RFX8: variants seen among roughly 807,000 people sequenced by gnomAD.
RFX8 encodes the protein regulatory factor X8, also known as DNA-binding protein RFX8.
Under a neutral mutation model 54.6 loss-of-function variants are expected in RFX8, and 46 were observed. That is an observed-to-expected ratio of 0.84 (90% CI 0.67 to 1.08). RFX8 has a LOEUF of 1.08. Among genes scored for constraint, RFX8 ranks in the 50% least tolerant of loss-of-function variants. The pLI, the probability that RFX8 is intolerant of heterozygous loss-of-function variation, is 0.00. For missense variants in RFX8, 536 were observed against 562.3 expected (o/e 0.95, Z 0.47); for synonymous variants, 192 against 209.5 (o/e 0.92, Z 0.72).
At chr2:101,448,603 T>C (rs1216316395) in intron 2 of RFX8, among the ~76,000 whole-genome samples, 6 of 152,228 alleles carry the variant, frequency 3.9e-5, no homozygotes, top group Non-Finnish European at 7.3e-5. Flanking sequence ...CGTCATATTA[T>C]ATTTGAGGAT....
chr2:101,398,307 C>T lies in RFX8; in HGVS notation c.1246-583G>A, dbSNP rs533664455. 2.6e-5 allele frequency among the ~76,000 whole-genome samples: 4 copies of T among 152,170 alleles called. No individual in the cohort carries two copies. In the South Asian group the frequency reaches 8.3e-4, roughly 32 times the overall value. On this transcript the variant is annotated intron_variant, in intron 11 of 11. Coordinates refer to ENST00000428343, the MANE Select transcript of RFX8 (RefSeq NM_001145664.2). Reference sequence around the variant, plus strand: ...GGGAAAGGCAGTTTGTGAGAAATGTCCTCGTGAGAGCAAACCAACACTCTT... The same window carrying T: ...GGGAAAGGCAGTTTGTGAGAAATGTTCTCGTGAGAGCAAACCAACACTCTT...
chr2:101,435,561 C>T (rs867994957), intron 2 of RFX8, among the ~76,000 whole-genome samples: 2 of 152,186 alleles, frequency 1.3e-5, no homozygotes, highest in African/African-American at 2.4e-5. Flanking sequence ...TACACACGTA[C>T]TCACACATAC....
chr2:101,437,955 T>C (rs1687874726), intron 2 of RFX8, among the ~76,000 whole-genome samples: 1 of 152,242 alleles, frequency 6.6e-6, no homozygotes, highest in South Asian at 2.1e-4. Context: ...TCATATGCTA[T>C]ATAACTTTTT....
intron 2 of RFX8, among the ~76,000 whole-genome samples, chr2:101,458,404 C>T (rs932452732): frequency 6.6e-6 from 1 of 151,936 alleles, no homozygotes; most frequent in East Asian, 1.9e-4. Flanking sequence ...AGACAGGCCT[C>T]GTGGTGACAA....
intron 2 of RFX8, among the ~76,000 whole-genome samples, chr2:101,449,814 A>G (rs1207977623): frequency 2.6e-5 from 4 of 152,110 alleles, no homozygotes; most frequent in Non-Finnish European, 5.9e-5. Flanking sequence ...AGTAATGGCG[A>G]TTATCAAGAT....
intron 9 of RFX8, among the ~76,000 whole-genome samples, chr2:101,410,174 C>G (rs1234171351): frequency 6.6e-6 from 1 of 151,934 alleles, no homozygotes; most frequent in African/African-American, 2.4e-5. Context: ...CACACATGCT[C>G]ACACACACTG....
At chr2:101,446,464 G>A (rs1380800078) in intron 2 of RFX8, among the ~76,000 whole-genome samples, 4 of 151,960 alleles carry the variant, frequency 2.6e-5, no homozygotes, top group African/African-American at 9.7e-5. Flanking sequence ...CTGAGCCACC[G>A]CTCCCAGCCA....
Position 101,474,832 on chromosome 2 carries a change from G to C in RFX8, c.-249C>G, listed in dbSNP as rs1013881457. Reference sequence around the variant, plus strand: ...CGCCTGGGCCAACCGGCTTTTTCAGGGTCCCGGGTGATGCTAATGTGCCCG... The same window carrying C: ...CGCCTGGGCCAACCGGCTTTTTCAGCGTCCCGGGTGATGCTAATGTGCCCG... On this transcript the variant is annotated 5_prime_UTR_variant, in exon 1 of 12. Transcript: ENST00000428343. 1 of 151,876 alleles carries C rather than the reference G, an allele frequency of 6.6e-6. No homozygotes were observed. Among genetic ancestry groups the C allele is most frequent in the Non-Finnish European group, 1.5e-5 (1 of 67,994 alleles). 9.4% of individuals were successfully genotyped at this position (151,876 alleles called of 1,614,324 possible).
rs1324659828 is a variant in RFX8, at chr2:101,439,596, CA to C, written c.73-17125del. ...ACATTATGAAGATTAGATTGAAGTT[CA>C]TTTTTTTTTTTTTGCCTGTGGGTTT... On this transcript the variant is annotated intron_variant, in intron 2 of 11. Transcript: ENST00000428343. 6.1e-4 allele frequency among the ~76,000 whole-genome samples: 87 copies of C among 143,550 alleles called. 12 individuals carry two copies. Among genetic ancestry groups the C allele is most frequent in the East Asian group, 1.2e-3 (6 of 4,918 alleles). The allele number at this position is 143,550 out of a possible 152,430, so 94.2% of individuals were successfully genotyped here. A position where few individuals can be genotyped will look rare whatever the true frequency, so the allele number is the denominator to read the frequency against.
chr2:101,421,575 G>C (rs916897478), intron 4 of RFX8, 149 bp downstream of exon 4: 15 of 1,400,524 alleles, frequency 1.1e-5, no homozygotes, highest in Non-Finnish European at 3.7e-6. Flanking sequence ...CTACAACATA[G>C]GTACATAGCA....
chr2:101,448,212 A>G (rs1419899668), intron 2 of RFX8, among the ~76,000 whole-genome samples: 1 of 152,156 alleles, frequency 6.6e-6, no homozygotes, highest in Admixed American at 6.5e-5. Context: ...ACAAAGCTCC[A>G]TGGTTTCTGC....
intron 2 of RFX8, among the ~76,000 whole-genome samples, chr2:101,466,394 A>C (rs1489832579): frequency 6.6e-6 from 1 of 152,144 alleles, no homozygotes; most frequent in Admixed American, 6.5e-5. Context: ...TGTGAGAAAC[A>C]TCAGTTGTCT....
At chr2:101,467,497 G>C (rs183700370) in intron 1 of RFX8, among the ~76,000 whole-genome samples, 2 of 152,318 alleles carry the variant, frequency 1.3e-5, no homozygotes, top group African/African-American at 2.4e-5. Context: ...TAAAATGCAA[G>C]ACATCAAGAG....
rs75141820 is a variant in RFX8 at position 101,447,039 on chromosome 2, C to T, written c.72+19738G>A. On this transcript the variant is annotated intron_variant, in intron 2 of 11. Transcript: ENST00000428343. ...GATGTAAGAGGAAGAGCTGGTTTGG[C>T]GCAGAGCACAGTGACTTTATTTGAG... Among the ~76,000 whole-genome samples, 1,110 of 152,288 alleles carry T rather than the reference C, an allele frequency of 7.3e-3. 15 individuals carry two copies. The highest frequency in any genetic ancestry group is 0.011 in the Non-Finnish European group (740 of 68,018).
intron 6 of RFX8, among the ~76,000 whole-genome samples, chr2:101,416,716 G>T (rs1686536123): frequency 6.6e-6 from 1 of 152,188 alleles, no homozygotes; most frequent in African/African-American, 2.4e-5. Context: ...GACAGGGCAT[G>T]GCAGGTGCAG....
At chr2:101,400,608 A>G (rs1200865592) in intron 11 of RFX8, among the ~76,000 whole-genome samples, 5 of 152,242 alleles carry the variant, frequency 3.3e-5, no homozygotes, top group Non-Finnish European at 1.5e-5. Flanking sequence ...GGTACTGAAT[A>G]AAGCCTTCCT....
intron 11 of RFX8, among the ~76,000 whole-genome samples, chr2:101,398,548 T>G (rs1384841627): frequency 6.6e-6 from 1 of 151,744 alleles, no homozygotes; most frequent in Non-Finnish European, 1.5e-5. Context: ...AATAAACCAC[T>G]AAATGGGGGA....
intron 2 of RFX8, among the ~76,000 whole-genome samples, chr2:101,454,504 C>T (rs918870407): frequency 3.3e-5 from 5 of 152,180 alleles, no homozygotes; most frequent in African/African-American, 1.2e-4. Flanking sequence ...CTAATATACA[C>T]TCCCACCAAC....
intron 2 of RFX8, among the ~76,000 whole-genome samples, chr2:101,427,891 A>G (rs964086773): frequency 6.6e-6 from 1 of 152,206 alleles, no homozygotes; most frequent in Non-Finnish European, 1.5e-5. Context: ...GCTGGTCACT[A>G]AACACGTTTA....
Sources: allele counts gnomAD v4.1 joint callset (sites outside exome capture counted in the v4.1 genomes callset), GRCh38; gene constraint gnomAD v4.1.1; transcripts MANE v1.5; gene names NCBI Gene and HGNC (gene_info 2026-07-23, HGNC 2026-07-21).